The following PARN variants were observed in gnomAD, a reference collection of about 807,000 sequenced individuals.
PARN encodes the protein poly(A)-specific ribonuclease, also known as poly(A)-specific ribonuclease PARN.
PARN carries 71 observed loss-of-function variants against 102.8 expected under a neutral mutation model. That is an observed-to-expected ratio of 0.69 (90% CI 0.57 to 0.84). The LOEUF is 0.84. Among genes scored for constraint, PARN ranks in the 40% least tolerant of loss-of-function variants. The pLI is 0.00. For missense variants in PARN, 782 were observed against 760.9 expected (o/e 1.03, Z -0.33); for synonymous variants, 261 against 252.9 (o/e 1.03, Z -0.30).
intron 10 of PARN, among the ~76,000 whole-genome samples, chr16:14,604,963 G>A (rs905298377): frequency 4.0e-5 from 6 of 150,882 alleles, no homozygotes; most frequent in Non-Finnish European, 8.8e-5. Context: ...ATGTGTGACA[G>A]GTTATCACTC....
At chr16:14,609,895 G>A (rs796238757) in intron 7 of PARN, among the ~76,000 whole-genome samples, 1 of 152,162 alleles carries the variant, frequency 6.6e-6, no homozygotes, top group Non-Finnish European at 1.5e-5. Context: ...GCAAGTTTTA[G>A]AAGTCAGCTG....
At chr16:14,447,758 G>C (rs1373181791) in intron 22 of PARN, among the ~76,000 whole-genome samples, 1 of 152,144 alleles carries the variant, frequency 6.6e-6, no homozygotes, top group Non-Finnish European at 1.5e-5. Flanking sequence ...TAGCCAGTGA[G>C]TCCTTTCTCC....
intron 21 of PARN, among the ~76,000 whole-genome samples, chr16:14,496,569 C>T (rs1436835157): frequency 6.6e-6 from 1 of 152,180 alleles, no homozygotes; most frequent in Non-Finnish European, 1.5e-5. Flanking sequence ...ATTCTTCACA[C>T]TTCATGGCAG....
intron 5 of PARN, among the ~76,000 whole-genome samples, chr16:14,624,774 C>T (rs930225103): frequency 1.3e-5 from 2 of 151,278 alleles, no homozygotes; most frequent in Non-Finnish European, 2.9e-5. Flanking sequence ...TAAAATTAGC[C>T]GGTGTGGTGG....
intron 18 of PARN, chr16:14,576,256 G>A (rs1363117118): frequency 3.3e-5 from 5 of 152,190 alleles, no homozygotes; most frequent in Non-Finnish European, 7.3e-5. Flanking sequence ...TTCCAGGAAG[G>A]CCTAGATTTC....
At chr16:14,532,066 A>C (rs1284080900) in intron 21 of PARN, among the ~76,000 whole-genome samples, 1 of 152,154 alleles carries the variant, frequency 6.6e-6, no homozygotes, top group Non-Finnish European at 1.5e-5. Context: ...TCCTGTCTTA[A>C]AAAATTAAAT....
intron 22 of PARN, among the ~76,000 whole-genome samples, chr16:14,447,515 TTCAA>T (rs1396564484): frequency 6.6e-6 from 1 of 152,260 alleles, no homozygotes; most frequent in Non-Finnish European, 1.5e-5. Flanking sequence ...TGAAGAATTC[TTCAA>T]TCAGTCTGCT....
chr16:14,525,853 G>A (rs1237877228), intron 21 of PARN, among the ~76,000 whole-genome samples: 2 of 152,146 alleles, frequency 1.3e-5, no homozygotes, highest in African/African-American at 4.8e-5. Context: ...TCTTTGAGAT[G>A]GAGCCCAAAC....
chr16:14,477,773 G>A (rs556229721), intron 22 of PARN, among the ~76,000 whole-genome samples: 23 of 151,628 alleles, frequency 1.5e-4, no homozygotes, highest in East Asian at 7.8e-4. Flanking sequence ...GCGAGACTCC[G>A]TCGGAAAGGG....
At chr16:14,504,820 G>A (rs1964804236) in intron 21 of PARN, among the ~76,000 whole-genome samples, 1 of 152,086 alleles carries the variant, frequency 6.6e-6, no homozygotes, top group Admixed American at 6.5e-5. Flanking sequence ...AAGACAATTC[G>A]TTAAGCAGTA....
At chr16:14,628,733 T>C (rs2151825454) in intron 2 of PARN, among the ~76,000 whole-genome samples, 1 of 152,340 alleles carries the variant, frequency 6.6e-6, no homozygotes, top group Middle Eastern at 3.4e-3. Context: ...TGATTCCAAC[T>C]AGACACTACC....
intron 18 of PARN, among the ~76,000 whole-genome samples, chr16:14,556,203 G>A (rs1967678396): frequency 6.6e-6 from 1 of 151,480 alleles, no homozygotes; most frequent in African/African-American, 2.4e-5. Flanking sequence ...TCTGTCGCCA[G>A]GCTGGAGTGC....
chr16:14,589,441 T>C (rs1970039185), intron 13 of PARN, among the ~76,000 whole-genome samples: 1 of 151,998 alleles, frequency 6.6e-6, no homozygotes, highest in African/African-American at 2.4e-5. Context: ...GGCATGTGCC[T>C]GTGGTCCCAG....
chr16:14,515,956 T>C (rs1322387117), intron 21 of PARN, among the ~76,000 whole-genome samples: 1 of 151,750 alleles, frequency 6.6e-6, no homozygotes, highest in African/African-American at 2.4e-5. Context: ...AATAAGTAAA[T>C]TGATAGATAG....
chr16:14,523,651 G>T (rs932973500), intron 21 of PARN, among the ~76,000 whole-genome samples: 2 of 152,080 alleles, frequency 1.3e-5, no homozygotes. Flanking sequence ...GACTTATACA[G>T]AATATGAAAT....
At chr16:14,538,820 C>T (rs902051381) in intron 21 of PARN, among the ~76,000 whole-genome samples, 2 of 152,124 alleles carry the variant, frequency 1.3e-5, no homozygotes, top group African/African-American at 2.4e-5. Context: ...CACTCCCCAT[C>T]GCTCGCATTA....
chr16:14,615,561 G>A (rs555844467), intron 6 of PARN, among the ~76,000 whole-genome samples: 1 of 152,030 alleles, frequency 6.6e-6, no homozygotes, highest in African/African-American at 2.4e-5. Context: ...TACCTCCGAA[G>A]ATCAAAATCA....
intron 6 of PARN, among the ~76,000 whole-genome samples, chr16:14,616,588 T>C (rs566102213): frequency 6.6e-6 from 1 of 152,054 alleles, no homozygotes; most frequent in African/African-American, 2.4e-5. Context: ...TACAAAAAAT[T>C]CGAAAATCAG....
At chr16:14,532,510 C>A (rs1207215873) in intron 21 of PARN, among the ~76,000 whole-genome samples, 2 of 146,446 alleles carry the variant, frequency 1.4e-5, no homozygotes, top group Admixed American at 7.1e-5. Context: ...CACAGATAAA[C>A]AGGATAAGAA....
Sources: gnomAD v4.1 joint callset for allele counts (sites outside exome capture counted in the v4.1 genomes callset) on GRCh38, gnomAD v4.1.1 for gene constraint, MANE v1.5 for transcripts, NCBI Gene and HGNC (gene_info 2026-07-23, HGNC 2026-07-21) for gene names.